The following OFD1 variants were observed in gnomAD, a reference collection of about 807,000 sequenced individuals.
OFD1 encodes centriole and centriolar satellite protein OFD1.
A neutral mutation model predicts 81.4 loss-of-function variants in OFD1; 12 were observed. The ratio of observed to expected loss-of-function variants is 0.15; its 90% CI spans 0.09 to 0.24. The LOEUF is 0.24. Ranked by LOEUF, OFD1 falls within the 10% of genes least tolerant of loss-of-function variation. The pLI is 1.00. For synonymous variants in OFD1, 256 were observed against 263.7 expected (o/e 0.97, Z 0.28); for missense variants, 685 against 733.9 (o/e 0.93, Z 0.77).
At chrX:13,762,493 G>T in intron 18 of OFD1, 49 bp downstream of exon 18, 3 of 847,732 alleles carry the variant, frequency 3.5e-6, no homozygotes, top group South Asian at 2.1e-5. Context: ...AATCTAGAAA[G>T]CTTAGTTTTG....
chrX:13,733,575 T>G (rs2046729682), upstream of OFD1, among the ~76,000 whole-genome samples: 1 of 111,761 alleles, frequency 8.9e-6, no homozygotes, highest in Non-Finnish European at 1.9e-5. Flanking sequence ...CTTAAATACT[T>G]TAAGTTTTTC....
chrX:13,744,249 C>T (rs1040151532), intron 5 of OFD1, among the ~76,000 whole-genome samples, 166 bp from the exon 6 acceptor site: 5 of 111,534 alleles, frequency 4.5e-5, no homozygotes, highest in African/African-American at 1.6e-4. Flanking sequence ...GCCATGATTA[C>T]ACCACTGCAC....
At chrX:13,741,086 G>A (rs2047079247) in intron 5 of OFD1, among the ~76,000 whole-genome samples, 1 of 110,690 alleles carries the variant, frequency 9.0e-6, no homozygotes, top group Non-Finnish European at 1.9e-5. Flanking sequence ...GTTACAGTGA[G>A]CCAAGATCAC....
chrX:13,736,303 CA>C lies in OFD1; in HGVS notation c.112-172del, dbSNP rs3214140. ...GGACTGCTTGTCTCACGGGGTAAGACAAAGTGTGCAGGGGAAGGTTTCTAAC... is the reference window on the plus strand; with the variant it reads ...GGACTGCTTGTCTCACGGGGTAAGACAAGTGTGCAGGGGAAGGTTTCTAAC... On this transcript the variant is annotated intron_variant, in intron 2 of 22. Coordinates refer to ENST00000340096, the MANE Select transcript of OFD1 (RefSeq NM_003611.3). The C allele has an allele frequency of 0.27, 289,252 of 1,085,463 alleles. 28,280 individuals are homozygous for C. The highest frequency in any genetic ancestry group is 0.54 in the Admixed American group (15,566 of 29,000). 89.5% of individuals were successfully genotyped at this position (1,085,463 alleles called of 1,213,427 possible).
chrX:13,755,211 A>G lies in OFD1; in HGVS notation c.1190A>G (p.Asn397Ser), dbSNP rs755523044. 3.7e-5 allele frequency: 44 copies of G among 1,199,180 alleles called. No homozygotes were observed. The highest frequency in any genetic ancestry group is 4.7e-5 in the Non-Finnish European group (42 of 884,801). The change falls in exon 12 of 23, where the codon AAT becomes AGT. Residue 397 changes from asparagine (N) to serine (S), a missense_variant. Physicochemically the swap from Asn to Ser is conservative, Grantham distance 46. Transcript: ENST00000340096. ...IAINSKKEEL[N>S]QSVNRVKELE... is the part of the protein sequence containing the mutation. Reference sequence around the variant, plus strand: ...ATTAATTCAAAAAAGGAGGAACTCAATCAATCTGTAAATCGTGTGAAAGAA... The same window carrying G: ...ATTAATTCAAAAAAGGAGGAACTCAGTCAATCTGTAAATCGTGTGAAAGAA...
downstream of OFD1, chrX:13,771,137 T>C (rs41309561): frequency 8.9e-6 from 1 of 112,433 alleles, no homozygotes; most frequent in Non-Finnish European, 1.9e-5. Flanking sequence ...AATTTATACA[T>C]AGCAAAATTT....
chrX:13,745,012 CT>C (rs927175758), intron 6 of OFD1, among the ~76,000 whole-genome samples: 1 of 111,910 alleles, frequency 8.9e-6, no homozygotes, highest in African/African-American at 3.3e-5. Flanking sequence ...TGATCTGGAG[CT>C]TTTTGTACTA....
chrX:13,770,567 C>A (rs750500138), downstream of OFD1, among the ~76,000 whole-genome samples: 2 of 112,328 alleles, frequency 1.8e-5, no homozygotes, highest in African/African-American at 6.5e-5. Flanking sequence ...GTAAATCTTT[C>A]AATAGACTTT....
At chrX:13,764,526 C>G (rs1393829338) in intron 19 of OFD1, among the ~76,000 whole-genome samples, 1 of 111,715 alleles carries the variant, frequency 9.0e-6, no homozygotes, top group African/African-American at 3.3e-5. Context: ...GAGCTTTGTG[C>G]TTTGTTCCAG....
At chrX:13,745,739 C>G (rs2047269151) in intron 6 of OFD1, among the ~76,000 whole-genome samples, 1 of 111,990 alleles carries the variant, frequency 8.9e-6, no homozygotes, top group Non-Finnish European at 1.9e-5. Context: ...GATTCTGATC[C>G]ATAGTTGGTT....
chrX:13,738,553 AGAT>A (rs1240811785), intron 3 of OFD1: 1 of 206,965 alleles, frequency 4.8e-6, no homozygotes, highest in Admixed American at 6.7e-5. Flanking sequence ...TTGGTTCATC[AGAT>A]ATTTCAGTGT....
At chrX:13,715,838 C>T in the OFD1 span, 1 of 968,234 alleles carries the variant, frequency 1.0e-6, no homozygotes, top group Non-Finnish European at 1.3e-6. Context: ...ATTCACCTGG[C>T]TGTGAAGACT....
chrX:13,741,236 G>C (rs2047088582), intron 5 of OFD1, among the ~76,000 whole-genome samples: 1 of 112,455 alleles, frequency 8.9e-6, no homozygotes, highest in Non-Finnish European at 1.9e-5. Flanking sequence ...TAGCATCCCA[G>C]TAAAATTTCT....
intron 15 of OFD1, 54 bp downstream of exon 15, chrX:13,758,502 C>T: frequency 4.5e-6 from 3 of 661,525 alleles, no homozygotes; most frequent in Non-Finnish European, 7.4e-6. Flanking sequence ...CTTCTGGTGT[C>T]TGTGAAAATG....
chrX:13,742,960 C>G (rs759641936), intron 5 of OFD1, among the ~76,000 whole-genome samples: 1 of 111,969 alleles, frequency 8.9e-6, no homozygotes, highest in Non-Finnish European at 1.9e-5. Flanking sequence ...AAAATCTAAT[C>G]CCCTTCCTGA....
intron 9 of OFD1, 68 bp from the exon 10 acceptor site, chrX:13,751,181 A>AT (rs1000102813): frequency 3.7e-6 from 4 of 1,081,908 alleles, no homozygotes; most frequent in East Asian, 3.1e-5. Flanking sequence ...GACACATGTG[A>AT]TTTTTTCCTA....
the OFD1 span, chrX:13,715,771 A>G: frequency 2.2e-6 from 2 of 895,864 alleles, no homozygotes; most frequent in South Asian, 4.4e-5. Flanking sequence ...AATGAAACCA[A>G]TTTACCTTCA....
chrX:13,737,653 T>C (rs1369313910), intron 3 of OFD1, among the ~76,000 whole-genome samples: 1 of 110,569 alleles, frequency 9.0e-6, no homozygotes, highest in Non-Finnish European at 1.9e-5. Context: ...AGCGAGACTG[T>C]CTCAAAAATA....
downstream of OFD1, chrX:13,772,026 TAAG>T (rs1318436450): frequency 1.8e-5 from 2 of 112,447 alleles, no homozygotes. Context: ...TCTTAATAAT[TAAG>T]AAAAACATTT....
Sources: allele counts gnomAD v4.1 joint callset (sites outside exome capture counted in the v4.1 genomes callset), GRCh38; gene constraint gnomAD v4.1.1; transcripts MANE v1.5; gene names NCBI Gene and HGNC (gene_info 2026-07-23, HGNC 2026-07-21).